KCNJ1: variants seen among roughly 807,000 people sequenced by gnomAD.
The protein encoded by KCNJ1 is ATP-sensitive inward rectifier potassium channel 1.
In KCNJ1, 24 loss-of-function variants were observed where a neutral mutation model predicts 21.9. The ratio of observed to expected loss-of-function variants is 1.10; its 90% CI spans 0.79 to 1.54. The LOEUF (loss-of-function observed/expected upper bound fraction) is 1.54. Ranked by LOEUF, KCNJ1 falls within the 40% of genes most tolerant of loss-of-function variation. The pLI, the probability that KCNJ1 is intolerant of heterozygous loss-of-function variation, is 0.00. For synonymous variants in KCNJ1, 152 were observed against 160.9 expected (o/e 0.94, Z 0.42); for missense variants, 457 against 455.4 (o/e 1.00, Z -0.03).
At chr11:128,864,201 C>G (rs965907224) in intron 1 of KCNJ1, among the ~76,000 whole-genome samples, 1 of 150,592 alleles carries the variant, frequency 6.6e-6, no homozygotes, top group Non-Finnish European at 1.5e-5. Context: ...ATTCTCATGC[C>G]TCAGCCCCCT....
intron 1 of KCNJ1, among the ~76,000 whole-genome samples, chr11:128,853,981 C>G (rs897903533): frequency 2.6e-5 from 4 of 152,254 alleles, no homozygotes; most frequent in African/African-American, 9.6e-5. Flanking sequence ...AAGCTCTTCC[C>G]TGCTGCTGCC....
chr11:128,864,873 C>A (rs1167376124), intron 1 of KCNJ1, among the ~76,000 whole-genome samples: 1 of 152,130 alleles, frequency 6.6e-6, no homozygotes, highest in Non-Finnish European at 1.5e-5. Flanking sequence ...CGTGGTCTTA[C>A]CCTACTCTAG....
chr11:128,843,699 G>T (rs1243462258), intron 2 of KCNJ1, among the ~76,000 whole-genome samples: 1 of 152,126 alleles, frequency 6.6e-6, no homozygotes, highest in African/African-American at 2.4e-5. Flanking sequence ...CATCAGCTGG[G>T]GATCCACCCT....
chr11:128,858,916 C>T (rs889081317), intron 1 of KCNJ1, among the ~76,000 whole-genome samples: 2 of 152,204 alleles, frequency 1.3e-5, no homozygotes, highest in East Asian at 1.9e-4. Context: ...GACTTTGGCA[C>T]AGACCTGAAA....
chr11:128,852,080 A>G (rs1260550350), intron 1 of KCNJ1, among the ~76,000 whole-genome samples: 1 of 152,346 alleles, frequency 6.6e-6, no homozygotes, highest in Non-Finnish European at 1.5e-5. Flanking sequence ...ACTAGCTCTA[A>G]CATTGGGTAT....
Position 128,839,488 on chromosome 11 carries a change from G to C in KCNJ1, c.756C>G (p.Val252=). 6.2e-7 allele frequency: 1 copy of C among 1,614,176 alleles called. No homozygotes were observed. Among genetic ancestry groups the C allele is most frequent in the Non-Finnish European group, 8.5e-7 (1 of 1,180,016 alleles). The change falls in exon 3 of 3, where the codon GTC becomes GTG. Residue 252 remains valine (V), a synonymous_variant. Transcript: ENST00000392666. The part of the protein sequence containing the change: ...FFISPLTIYH[V]IDHNSPFFHM... The stretch of plus-strand genomic sequence containing the variant: ...GGAAGAAAGGGCTGTTGTGATCAAT[G>C]ACATGGTAAATTGTCAATGGGGAGA...
chr11:128,842,444 T>C (rs1943299056), intron 2 of KCNJ1: 1 of 1,613,772 alleles, frequency 6.2e-7, no homozygotes, highest in Middle Eastern at 1.7e-4. Flanking sequence ...GAAGTGGTGC[T>C]GGTTGTTGGT....
chr11:128,841,053 A>G (rs1215680865), intron 2 of KCNJ1, among the ~76,000 whole-genome samples: 1 of 152,172 alleles, frequency 6.6e-6, no homozygotes, highest in Non-Finnish European at 1.5e-5. Context: ...TTAAATGCTG[A>G]ACACTATTTA....
Position 128,840,006 on chromosome 11 carries a change from A to G in KCNJ1, c.238T>C (p.Trp80Arg), listed in dbSNP as rs766045639. ...LGSWFFFGLL[W>R]YAVAYIHKDL... ...TTGTGAATGTACGCTACTGCATACC[A>G]CAGGAGACCAAAGAAAAACCAACTC... is the stretch of plus-strand genomic sequence containing the variant. Residue 80 changes from tryptophan to arginine, a missense_variant, in exon 3 of 3, where the codon TGG (tryptophan) becomes CGG (arginine). Coordinates refer to ENST00000392666, the MANE Select transcript of KCNJ1 (RefSeq NM_153766.3). 3.7e-6 allele frequency: 6 copies of G among 1,614,052 alleles called. No individual in the cohort carries two copies. The highest frequency in any genetic ancestry group is 5.1e-6 in the Non-Finnish European group (6 of 1,179,954).
rs1220683174 is a variant in KCNJ1, at chr11:128,857,808, C to G, written c.-191-6918G>C. Among the ~76,000 whole-genome samples the G allele has an allele frequency of 3.3e-5, 5 of 152,118 alleles. No individual in the cohort carries two copies. The East Asian group carries it at 9.6e-4, about 29-fold the overall frequency. Reference sequence around the variant, plus strand: ...ATGCACCTGGGAGCATTGTCCCCATCTTGTCTTTTTAAGTTAAGCTTAGAT... The same window carrying G: ...ATGCACCTGGGAGCATTGTCCCCATGTTGTCTTTTTAAGTTAAGCTTAGAT... On this transcript the variant is annotated intron_variant, in intron 1 of 2. Transcript: ENST00000392666.
intron 1 of KCNJ1, among the ~76,000 whole-genome samples, chr11:128,858,103 G>A (rs1943621158): frequency 6.6e-6 from 1 of 151,688 alleles, no homozygotes; most frequent in African/African-American, 2.4e-5. Context: ...GGCGAGAGAT[G>A]GGGAGGGATG....
At chr11:128,853,159 C>A (rs1943507669) in intron 1 of KCNJ1, among the ~76,000 whole-genome samples, 1 of 152,154 alleles carries the variant, frequency 6.6e-6, no homozygotes, top group Non-Finnish European at 1.5e-5. Flanking sequence ...ATTCTAGTGC[C>A]TTTGTTGTTA....
At position 128,850,724 on chromosome 11, in the gene KCNJ1, T is replaced by C. The variant is rs2079712107; in HGVS notation, c.-25A>G. 2 of 985,104 alleles carry C rather than the reference T, an allele frequency of 2.0e-6. No individual in the cohort carries two copies. Among genetic ancestry groups the C allele is most frequent in the African/African-American group, 1.7e-5 (1 of 57,248 alleles). The allele number at this position is 985,104 out of a possible 1,614,324, so 61.0% of individuals were successfully genotyped here. ...TATTGAAAATCAAGCCACTCACCTC[T>C]GTCAGAAGAGGTTCAGGAGATGATT... On this transcript the variant is annotated 5_prime_UTR_variant, in exon 2 of 3. Coordinates refer to ENST00000392666, the MANE Select transcript of KCNJ1 (RefSeq NM_153766.3).
At chr11:128,853,018 T>G (rs927457152) in intron 1 of KCNJ1, among the ~76,000 whole-genome samples, 4 of 152,224 alleles carry the variant, frequency 2.6e-5, no homozygotes, top group African/African-American at 9.7e-5. Flanking sequence ...CTGGAAAAGG[T>G]AAAATTAAAT....
At chr11:128,844,491 C>T (rs1280005005) in intron 2 of KCNJ1, among the ~76,000 whole-genome samples, 1 of 152,204 alleles carries the variant, frequency 6.6e-6, no homozygotes, top group Non-Finnish European at 1.5e-5. Context: ...TTTAACAGCC[C>T]TTCAAATTCT....
In KCNJ1 at chr11:128,859,582, A is replaced by G. The variant is rs1943660612; in HGVS notation, c.-192+7591T>C. On this transcript the variant is annotated intron_variant, in intron 1 of 2. Coordinates refer to ENST00000392666, the MANE Select transcript of KCNJ1 (RefSeq NM_153766.3). ...GATCTTAACCTGATGTCTCCACGCCAAGTTCCCTAAAGATCTGGCCCAGAA... is the reference window on the plus strand; with the variant it reads ...GATCTTAACCTGATGTCTCCACGCCGAGTTCCCTAAAGATCTGGCCCAGAA... Among the ~76,000 whole-genome samples the G allele has an allele frequency of 2.0e-5, 3 of 152,184 alleles. No individual in the cohort carries two copies. In the South Asian group the frequency reaches 6.2e-4, roughly 32 times the overall value.
intron 1 of KCNJ1, among the ~76,000 whole-genome samples, chr11:128,851,563 T>C (rs904617896): frequency 2.0e-5 from 3 of 152,214 alleles, no homozygotes; most frequent in Non-Finnish European, 4.4e-5. Context: ...TTCCAGTGTT[T>C]ATTAAAAAGT....
At chr11:128,847,953 C>T (rs1350624837) in intron 2 of KCNJ1, among the ~76,000 whole-genome samples, 1 of 152,058 alleles carries the variant, frequency 6.6e-6, no homozygotes, top group Non-Finnish European at 1.5e-5. Flanking sequence ...ACTGCATCCT[C>T]GACCTCCTGG....
rs1943412491 is a variant in KCNJ1, at chr11:128,848,063, T to C, written c.-22+2658A>G. 2.0e-5 allele frequency among the ~76,000 whole-genome samples: 3 copies of C among 151,662 alleles called. No individual in the cohort carries two copies. The South Asian group carries it at 6.3e-4, about 32-fold the overall frequency. On this transcript the variant is annotated intron_variant, in intron 2 of 2. Coordinates refer to ENST00000392666, the MANE Select transcript of KCNJ1 (RefSeq NM_153766.3). ...CAGCACTTTGGGAGGCCGAGGTGGG[T>C]GGATCACGAGGTCAGGAGATCGAGA...
Sources: allele counts gnomAD v4.1 joint callset (sites outside exome capture counted in the v4.1 genomes callset), GRCh38; gene constraint gnomAD v4.1.1; transcripts MANE v1.5; gene names NCBI Gene and HGNC (gene_info 2026-07-23, HGNC 2026-07-21).